GAST: variants seen among roughly 807,000 people sequenced by gnomAD.
The protein encoded by GAST is preprogastrin.
A neutral mutation model predicts 12.5 loss-of-function variants in GAST; 9 were observed. The observed-to-expected ratio is 0.72, with a 90% confidence interval of 0.43 to 1.25. The LOEUF is 1.25. GAST is among the 50% of genes most tolerant of loss of function. The pLI, the probability that GAST is intolerant of heterozygous loss-of-function variation, is 0.00. For synonymous variants in GAST, 52 were observed against 51.1 expected (o/e 1.02, Z -0.08); for missense variants, 121 against 127.7 (o/e 0.95, Z 0.25).
chr17:41,713,721 G>T (rs1332066809), intron 1 of GAST, among the ~76,000 whole-genome samples: 1 of 151,960 alleles, frequency 6.6e-6, no homozygotes, highest in Non-Finnish European at 1.5e-5. Flanking sequence ...AAGAAAAAAA[G>T]AAAAACTTAA....
chr17:41,715,678 A>T (rs1261437575), intron 2 of GAST, 31 bp downstream of exon 2: 2 of 1,608,272 alleles, frequency 1.2e-6, no homozygotes, highest in African/African-American at 2.7e-5. Context: ...TGCTTGCCTC[A>T]CTTGGCCAGG....
Position 41,715,433 on chromosome 17 carries a change from C to G in GAST, c.-4C>G, listed in dbSNP as rs373690208. 2 of 1,607,044 alleles carry G rather than the reference C, an allele frequency of 1.2e-6. No homozygotes were observed. The highest frequency in any genetic ancestry group is 1.7e-6 in the Non-Finnish European group (2 of 1,174,528). On this transcript the variant is annotated splice_region_variant and 5_prime_UTR_variant, in exon 2 of 3. Coordinates refer to ENST00000329402, the MANE Select transcript of GAST (RefSeq NM_000805.5). The stretch of plus-strand genomic sequence containing the variant: ...GCTAGTCCCTTCTCCCCTTTGCAGA[C>G]GAGATGCAGCGACTGTGTGTGTATG...
In GAST at chr17:41,715,446, C is replaced by G. The variant is rs1334093470; in HGVS notation, c.10C>G (p.Leu4Val). 6 of 1,611,872 alleles carry G rather than the reference C, an allele frequency of 3.7e-6. No homozygotes were observed. Among genetic ancestry groups the G allele is most frequent in the Non-Finnish European group, 5.1e-6 (6 of 1,178,262 alleles). The change falls in exon 2 of 3, where the codon CTG becomes GTG. Residue 4 changes from leucine (L) to valine (V), a missense_variant. Transcript: ENST00000329402. ...CCCCTTTGCAGACGAGATGCAGCGA[C>G]TGTGTGTGTATGTGCTGATCTTTGC... The part of the protein sequence containing the change: MQR[L>V]CVYVLIFALA...
chr17:41,713,636 G>A (rs983024513), intron 1 of GAST, among the ~76,000 whole-genome samples: 2 of 152,254 alleles, frequency 1.3e-5, no homozygotes, highest in South Asian at 4.1e-4. Context: ...GGTCGAGGCT[G>A]CAGCGAGTCA....
intron 1 of GAST, among the ~76,000 whole-genome samples, chr17:41,714,846 A>G (rs1164182146): frequency 1.3e-5 from 2 of 152,182 alleles, no homozygotes; most frequent in Non-Finnish European, 2.9e-5. Context: ...TGCAGAACAG[A>G]ACCTAGGGAA....
chr17:41,713,535 A>T (rs1555585451), intron 1 of GAST, among the ~76,000 whole-genome samples: 1 of 152,020 alleles, frequency 6.6e-6, no homozygotes, highest in African/African-American at 2.4e-5. Flanking sequence ...TACTAAAAAT[A>T]AAAACAAAAA....
chr17:41,714,690 A>G (rs1011143738), intron 1 of GAST, among the ~76,000 whole-genome samples: 1 of 152,178 alleles, frequency 6.6e-6, no homozygotes, highest in East Asian at 1.9e-4. Context: ...TGGGAGGATC[A>G]CCTGAGCCCA....
rs781866901 is a variant in GAST at position 41,715,809 on chromosome 17, G to GGAA, written c.254_256dup (p.Glu85dup). 3 of 1,611,984 alleles carry GGAA rather than the reference G, an allele frequency of 1.9e-6. No individual in the cohort carries two copies. Among genetic ancestry groups the GGAA allele is most frequent in the Non-Finnish European group, 2.5e-6 (3 of 1,179,348 alleles). On this transcript the variant is annotated inframe_insertion, in exon 3 of 3. Transcript: ENST00000329402. ...CCAAGAAGCAGGGACCATGGCTGGA[G>GGAA]GAAGAAGAAGAAGCCTATGGATGGA...
chr17:41,715,822 G>T lies in GAST; in HGVS notation c.256G>T (p.Ala86Ser), dbSNP rs782170362. The T allele has an allele frequency of 1.2e-6, 2 of 1,612,508 alleles. No individual in the cohort carries two copies. The highest frequency in any genetic ancestry group is 1.7e-6 in the Non-Finnish European group (2 of 1,179,534). ...QGPWLEEEEE[A>S]YGWMDFGRRS... ...ACCATGGCTGGAGGAAGAAGAAGAA[G>T]CCTATGGATGGATGGACTTCGGCCG... Residue 86 changes from alanine to serine, a missense_variant, in exon 3 of 3, where the codon GCC becomes TCC. Ala to Ser is a moderately conservative substitution (Grantham distance 99). Transcript: ENST00000329402.
intron 1 of GAST, among the ~76,000 whole-genome samples, chr17:41,713,708 GAAAAGAAA>G (rs1555585475): frequency 2.6e-5 from 4 of 151,314 alleles, no homozygotes; most frequent in Non-Finnish European, 5.9e-5. Flanking sequence ...CTCACAAAAA[GAAAAGAAA>G]AAAAGAAAAA....
chr17:41,715,388 G>A, intron 1 of GAST, 44 bp from the exon 2 acceptor site: 1 of 1,504,540 alleles, frequency 6.6e-7, no homozygotes, highest in South Asian at 1.2e-5. Flanking sequence ...GGGCCTCTGT[G>A]GGGACAGCCT....
chr17:41,715,299 TAAAA>T (rs11286851), intron 1 of GAST, 129 bp from the exon 2 acceptor site: 32 of 555,144 alleles, frequency 5.8e-5, no homozygotes, highest in South Asian at 9.8e-5. Context: ...AAACTCTGTC[TAAAA>T]AAAAAAAAAA....
chr17:41,715,346 C>A, intron 1 of GAST, 86 bp from the exon 2 acceptor site: 1 of 962,182 alleles, frequency 1.0e-6, no homozygotes, highest in Non-Finnish European at 1.6e-6. Flanking sequence ...CAGGTAGAGG[C>A]CTGGAGCCAC....
chr17:41,715,554 A>C lies in GAST; in HGVS notation c.118A>C (p.Arg40=). The change falls in exon 2 of 3, where the codon AGG becomes CGG. Residue 40 remains arginine, a synonymous_variant. Transcript: ENST00000329402. ...PDAPLGTGAN[R]DLELPWLEQQ... ...TGCACCCTTAGGTACAGGGGCCAAC[A>C]GGGACCTGGAGCTACCCTGGCTGGA... 1 of 1,613,484 alleles carries C rather than the reference A, an allele frequency of 6.2e-7. No homozygotes were observed. The highest frequency in any genetic ancestry group is 8.5e-7 in the Non-Finnish European group (1 of 1,180,034).
chr17:41,714,225 A>T (rs8072862), intron 1 of GAST, among the ~76,000 whole-genome samples: 143,214 of 152,198 alleles, frequency 0.94, 67,478 homozygotes, highest in East Asian at 1. Flanking sequence ...CAGGCTGGAG[A>T]GCAGTGGTGC....
chr17:41,713,182 G>A (rs1417402579), intron 1 of GAST, among the ~76,000 whole-genome samples: 1 of 152,066 alleles, frequency 6.6e-6, no homozygotes, highest in Non-Finnish European at 1.5e-5. Context: ...CTCCCAAAGT[G>A]CTGGGATTAC....
chr17:41,714,920 A>AG (rs1405095646), intron 1 of GAST, among the ~76,000 whole-genome samples: 1 of 152,228 alleles, frequency 6.6e-6, no homozygotes, highest in Non-Finnish European at 1.5e-5. Flanking sequence ...GTAGGTAAAG[A>AG]GAAAAAACAC....
rs1255484583 is a variant in GAST, at chr17:41,712,387, G to C, written c.-6G>C. 1 of 152,398 alleles carries C rather than the reference G, an allele frequency of 6.6e-6. No homozygotes were observed. The highest frequency in any genetic ancestry group is 1.5e-5 in the Non-Finnish European group (1 of 68,234). The allele number at this position is 152,398 out of a possible 1,614,324, so 9.4% of individuals were successfully genotyped here. ...GCACCACACACCTCCCAGCTCTGCA[G>C]GTGAGAAAACCCAGGAGGAGAGGGG... On this transcript the variant is annotated splice_region_variant and 5_prime_UTR_variant, in exon 1 of 3. Transcript: ENST00000329402.
chr17:41,715,754 T>C (rs375699677), intron 2 of GAST, 24 bp from the exon 3 acceptor site: 102 of 1,596,680 alleles, frequency 6.4e-5, no homozygotes, highest in Non-Finnish European at 8.4e-5. Context: ...CCTTCCCCCA[T>C]TCTCGCCTCT....
Sources: gnomAD v4.1 joint callset for allele counts (sites outside exome capture counted in the v4.1 genomes callset) on GRCh38, gnomAD v4.1.1 for gene constraint, MANE v1.5 for transcripts, NCBI Gene and HGNC (gene_info 2026-07-23, HGNC 2026-07-21) for gene names.